The following KCNH2 variants were observed in gnomAD, a reference collection of about 807,000 sequenced individuals.
The protein encoded by KCNH2 is voltage-gated inwardly rectifying potassium channel KCNH2.
KCNH2 carries 35 observed loss-of-function variants against 95.9 expected under a neutral mutation model. The observed-to-expected ratio is 0.37, with a 90% CI of 0.28 to 0.48. The LOEUF (loss-of-function observed/expected upper bound fraction) is 0.48, where lower values mean the gene tolerates loss of function less well. KCNH2 is among the 20% of genes least tolerant of loss of function. The pLI is 0.99. For missense variants in KCNH2, 1,274 were observed against 1,702.9 expected (o/e 0.75, Z 4.43); for synonymous variants, 786 against 754.7 (o/e 1.04, Z -0.68).
chr7:150,958,264 G>C lies in KCNH2; in HGVS notation c.711C>G (p.Pro237=), dbSNP rs774222426. Residue 237 remains proline, a synonymous_variant, in exon 4 of 15, where the codon CCC becomes CCG. Coordinates refer to ENST00000262186, the MANE Select transcript of KCNH2 (RefSeq NM_000238.4). ...PAEERRALVG[P]GSPPRSAPGQ... ...CGGGCGCGCTGCGGGGCGGAGAGCC[G>C]GGACCCACCAGCGCACGCCGCTCCT... 1.4e-6 allele frequency: 2 copies of C among 1,443,920 alleles called. No homozygotes were observed. Among genetic ancestry groups the C allele is most frequent in the Non-Finnish European group, 1.8e-6 (2 of 1,101,904 alleles). The allele number at this position is 1,443,920 out of a possible 1,614,324, so 89.4% of individuals were successfully genotyped here.
intron 1 of KCNH2, among the ~76,000 whole-genome samples, chr7:150,976,730 AC>A (rs372819784): frequency 2.5e-4 from 33 of 132,428 alleles, no homozygotes; most frequent in African/African-American, 5.2e-4. Context: ...AGAATCCAGC[AC>A]CCCCCCCCAC....
At chr7:150,949,513 G>T in intron 9 of KCNH2, 1 of 784,120 alleles carries the variant, frequency 1.3e-6, no homozygotes, top group South Asian at 3.9e-5. Flanking sequence ...GTAAGGCCCA[G>T]TGTTATGTAG....
Position 150,971,921 on chromosome 7 carries a change from T to A in KCNH2, c.307+2790A>T, listed in dbSNP as rs150306440. ...CCCCATGGCGATGTGGGAGCACAGG[T>A]GTGGACCCAGCCAGCACCTGCTGCC... On this transcript the variant is annotated intron_variant, in intron 2 of 14. Coordinates refer to ENST00000262186, the MANE Select transcript of KCNH2 (RefSeq NM_000238.4). Among the ~76,000 whole-genome samples, 33 of 151,946 alleles carry A rather than the reference T, an allele frequency of 2.2e-4. No individual in the cohort carries two copies. In the East Asian group the frequency reaches 6.0e-3, roughly 28 times the overall value.
At chr7:150,977,557 C>T (rs1240118224) in intron 1 of KCNH2, among the ~76,000 whole-genome samples, 1 of 152,106 alleles carries the variant, frequency 6.6e-6, no homozygotes, top group Non-Finnish European at 1.5e-5. Flanking sequence ...TCCCACATCC[C>T]TTCCCTGCAC....
chr7:150,959,534 A>G (rs1285505425), intron 3 of KCNH2, 38 bp downstream of exon 3: 1 of 1,610,876 alleles, frequency 6.2e-7, no homozygotes, highest in Middle Eastern at 1.7e-4. Flanking sequence ...AAATGAGACC[A>G]CGAACCCCTG....
intron 2 of KCNH2, among the ~76,000 whole-genome samples, chr7:150,963,320 A>G (rs1330710503): frequency 6.6e-6 from 1 of 152,052 alleles, no homozygotes; most frequent in Non-Finnish European, 1.5e-5. Context: ...TTGCATTAGA[A>G]TGACTTTGGG....
At position 150,951,423 on chromosome 7, in the gene KCNH2, G is replaced by T. The variant is rs377215925; in HGVS notation, c.1945+25C>A. On this transcript the variant is annotated intron_variant, in intron 7 of 14. Coordinates refer to ENST00000262186, the MANE Select transcript of KCNH2 (RefSeq NM_000238.4). ...GGTTCCTCCACCGTGGGCTCTCCCC[G>T]CCGCCCGCCCCTGGGCACACTCACA... is the stretch of plus-strand genomic sequence containing the variant. 11 of 1,612,822 alleles carry T rather than the reference G, an allele frequency of 6.8e-6. No homozygotes were observed. In the East Asian group the frequency reaches 2.5e-4, roughly 36 times the overall value.
rs910248419 is a variant in KCNH2 at position 150,961,653 on chromosome 7, C to T, written c.308-1917G>A. Among the ~76,000 whole-genome samples the T allele has an allele frequency of 1.3e-5, 2 of 152,188 alleles. No individual in the cohort carries two copies. The highest frequency in any genetic ancestry group is 2.9e-5 in the Non-Finnish European group (2 of 68,034). ...TCCCTGGCTCACCCCTACTCCTGAT[C>T]TCAAACCCACAGCAGGGGCGACAGT... is the stretch of plus-strand genomic sequence containing the variant. On this transcript the variant is annotated intron_variant, in intron 2 of 14. Transcript: ENST00000262186. This position sits in a 1 kb window ranked among gnomAD's most constrained non-coding sequence, Gnocchi z 6.2.
chr7:150,971,097 C>T (rs1801829019), intron 2 of KCNH2, among the ~76,000 whole-genome samples: 1 of 152,196 alleles, frequency 6.6e-6, no homozygotes, highest in Non-Finnish European at 1.5e-5. Context: ...AAGGAATGGG[C>T]ACAGGAAGAA....
At chr7:150,963,555 C>A (rs1386131290) in intron 2 of KCNH2, among the ~76,000 whole-genome samples, 1 of 152,116 alleles carries the variant, frequency 6.6e-6, no homozygotes, top group Non-Finnish European at 1.5e-5. Context: ...AATGCCAGAA[C>A]ACTCTGCCCT....
At chr7:150,971,608 G>A (rs1801841908) in intron 2 of KCNH2, among the ~76,000 whole-genome samples, 1 of 152,036 alleles carries the variant, frequency 6.6e-6, no homozygotes, top group African/African-American at 2.4e-5. Context: ...TGGGAGAGAG[G>A]GAGAGAGGCA....
At chr7:150,963,764 G>A (rs906512692) in intron 2 of KCNH2, among the ~76,000 whole-genome samples, 3 of 152,194 alleles carry the variant, frequency 2.0e-5, no homozygotes, top group South Asian at 2.1e-4. Context: ...TAGAACCCCC[G>A]TGCCTTTGGG....
chr7:150,959,804 T>A, intron 2 of KCNH2, 68 bp from the exon 3 acceptor site: 3 of 1,588,844 alleles, frequency 1.9e-6, no homozygotes, highest in Non-Finnish European at 2.6e-6. Flanking sequence ...CCACGCAGGA[T>A]GGACCCTGGA....
At chr7:150,976,250 G>A (rs1319514738) in intron 1 of KCNH2, among the ~76,000 whole-genome samples, 1 of 152,046 alleles carries the variant, frequency 6.6e-6, no homozygotes, top group Non-Finnish European at 1.5e-5. Flanking sequence ...AGGGCACCCT[G>A]AGATAGGCCC....
intron 2 of KCNH2, among the ~76,000 whole-genome samples, chr7:150,973,639 C>G (rs55642626): frequency 6.6e-6 from 1 of 152,210 alleles, no homozygotes; most frequent in Admixed American, 6.5e-5. Context: ...AGACTGTGCA[C>G]GCCTGCAAAA....
At chr7:150,956,435 G>A (rs1801378692) in intron 5 of KCNH2, among the ~76,000 whole-genome samples, 1 of 152,176 alleles carries the variant, frequency 6.6e-6, no homozygotes, top group African/African-American at 2.4e-5. Flanking sequence ...GGAACAGCTT[G>A]GGACAGGAGT....
chr7:150,955,327 C>G (rs1584860557), intron 5 of KCNH2: 2 of 1,452,324 alleles, frequency 1.4e-6, no homozygotes, highest in African/African-American at 2.8e-5. Context: ...GGAGTCAGAG[C>G]CCTTGGGCCA....
At chr7:150,958,853 C>T (rs541903632) in intron 3 of KCNH2, among the ~76,000 whole-genome samples, 2 of 152,306 alleles carry the variant, frequency 1.3e-5, no homozygotes, top group South Asian at 2.1e-4. Context: ...GTGGGGCCTG[C>T]GCCTAAGTGG....
intron 5 of KCNH2, among the ~76,000 whole-genome samples, chr7:150,956,834 G>A (rs933397704): frequency 2.0e-5 from 3 of 152,158 alleles, no homozygotes; most frequent in East Asian, 3.9e-4. Flanking sequence ...GGAAGAATTA[G>A]GACCCTCCTG....
Sources: gnomAD v4.1 joint callset for allele counts (sites outside exome capture counted in the v4.1 genomes callset) on GRCh38, gnomAD v4.1.1 for gene constraint, Gnocchi (gnomAD v3.1) non-coding constraint, MANE v1.5 for transcripts, NCBI Gene and HGNC (gene_info 2026-07-23, HGNC 2026-07-21) for gene names.